Variants in SLC26A3 observed in about 807,000 individuals in gnomAD.
SLC26A3 encodes the protein chloride anion exchanger.
A neutral mutation model predicts 85.6 loss-of-function variants in SLC26A3; 64 were observed. The observed-to-expected ratio is 0.75, with a 90% CI of 0.61 to 0.92. The LOEUF (loss-of-function observed/expected upper bound fraction) is 0.92. Among genes scored for constraint, SLC26A3 ranks in the 40% least tolerant of loss-of-function variants. SLC26A3 has a pLI of 0.00. For synonymous variants in SLC26A3, 349 were observed against 336.0 expected, an observed-to-expected ratio of 1.04 and a Z score of -0.42; for missense variants, 922 against 927.3, an observed-to-expected ratio of 0.99 and a Z score of 0.07.
chr7:107,802,907 A>G (rs1460516238), intron 1 of SLC26A3, among the ~76,000 whole-genome samples: 1 of 152,180 alleles, frequency 6.6e-6, no homozygotes, highest in East Asian at 1.9e-4. Flanking sequence ...TTTACTTGTT[A>G]AAGTCTACTT....
intron 18 of SLC26A3, among the ~76,000 whole-genome samples, chr7:107,769,996 T>G (rs1793978015): frequency 7.4e-6 from 1 of 135,164 alleles, no homozygotes; most frequent in Non-Finnish European, 1.6e-5. Flanking sequence ...TTCCTTCCTT[T>G]TTTCTCTTTC....
chr7:107,793,922 A>C (rs374247167), intron 2 of SLC26A3, 41 bp from the exon 3 acceptor site: 1 of 1,613,796 alleles, frequency 6.2e-7, no homozygotes, highest in Non-Finnish European at 8.5e-7. Flanking sequence ...ATTAATATCA[A>C]ATTTTAAGTT....
At chr7:107,767,526 G>GT (rs558627605) in intron 20 of SLC26A3, 53 bp downstream of exon 20, 1,386 of 1,353,488 alleles carry the variant, frequency 1.0e-3, no homozygotes, top group Non-Finnish European at 1.3e-3. Flanking sequence ...TACTTTGAAG[G>GT]TTTTTTTTTG....
chr7:107,778,294 A>G lies in SLC26A3; in HGVS notation c.1408-13T>C. On this transcript the variant is annotated splice_polypyrimidine_tract_variant and intron_variant, in intron 12 of 20. Transcript: ENST00000340010. ...TGATCCAAATTAACTGTGAAAAGAA[A>G]GCAACACATACACTACAATTTACTT... is the stretch of plus-strand genomic sequence containing the variant. 6.6e-7 allele frequency: 1 copy of G among 1,508,598 alleles called. No homozygotes were observed. The highest frequency in any genetic ancestry group is 9.2e-7 in the Non-Finnish European group (1 of 1,084,812). The allele number at this position is 1,508,598 out of a possible 1,614,324, so 93.5% of individuals were successfully genotyped here.
chr7:107,780,383 A>G (rs113070386), intron 11 of SLC26A3, among the ~76,000 whole-genome samples: 1,699 of 152,326 alleles, frequency 0.011, 40 homozygotes, highest in African/African-American at 0.039. Context: ...CCTACAGCCA[A>G]GCTTCAGACT....
intron 18 of SLC26A3, among the ~76,000 whole-genome samples, chr7:107,771,109 A>C (rs574367131): frequency 1.8e-3 from 265 of 147,982 alleles, no homozygotes; most frequent in African/African-American, 6.8e-3. Flanking sequence ...CTGATTTAAG[A>C]GGAAATATTT....
At chr7:107,787,091 A>C (rs1478955501) in intron 7 of SLC26A3, among the ~76,000 whole-genome samples, 182 bp from the exon 8 acceptor site, 1 of 152,256 alleles carries the variant, frequency 6.6e-6, no homozygotes, top group Non-Finnish European at 1.5e-5. Flanking sequence ...TGAGAACCAC[A>C]GCTAAATTCA....
At chr7:107,787,795 CT>C in intron 6 of SLC26A3, among the ~76,000 whole-genome samples, 1 of 152,150 alleles carries the variant, frequency 6.6e-6, no homozygotes. Flanking sequence ...TTGTTGGATA[CT>C]TTTCACATTT....
intron 8 of SLC26A3, among the ~76,000 whole-genome samples, chr7:107,785,433 T>C (rs1794277645): frequency 6.6e-6 from 1 of 152,244 alleles, no homozygotes; most frequent in African/African-American, 2.4e-5. Flanking sequence ...TACACTGACA[T>C]TGAAAATACA....
At chr7:107,797,425 C>G (rs991883866) in intron 1 of SLC26A3, among the ~76,000 whole-genome samples, 5 of 152,088 alleles carry the variant, frequency 3.3e-5, no homozygotes, top group African/African-American at 1.2e-4. Context: ...ACCCGGGAGG[C>G]AGAGGTTGCA....
intron 1 of SLC26A3, among the ~76,000 whole-genome samples, chr7:107,799,874 A>G (rs534488507): frequency 6.6e-6 from 1 of 152,116 alleles, no homozygotes; most frequent in Non-Finnish European, 1.5e-5. Context: ...GTCAGCTGGA[A>G]CCTGTTGGAA....
At chr7:107,776,388 A>G in intron 15 of SLC26A3, 64 bp downstream of exon 15, 2 of 1,297,936 alleles carry the variant, frequency 1.5e-6, no homozygotes, top group Non-Finnish European at 2.2e-6. Context: ...ACCTTACAGA[A>G]CAATGACATT....
chr7:107,766,156 A>G (rs909278695), intron 20 of SLC26A3, among the ~76,000 whole-genome samples: 13 of 152,168 alleles, frequency 8.5e-5, no homozygotes, highest in African/African-American at 3.1e-4. Context: ...GGCCTGGTAT[A>G]TTCAGCTGTT....
intron 3 of SLC26A3, among the ~76,000 whole-genome samples, chr7:107,793,040 T>C (rs1005513513): frequency 3.3e-5 from 5 of 152,202 alleles, no homozygotes; most frequent in African/African-American, 1.2e-4. Context: ...CACAATGAGA[T>C]ACCACTTCAC....
chr7:107,766,903 TGAA>T (rs1793926622), intron 20 of SLC26A3, among the ~76,000 whole-genome samples: 2 of 151,366 alleles, frequency 1.3e-5, no homozygotes, highest in South Asian at 4.2e-4. Context: ...ATTTGGAAAA[TGAA>T]GATATCTTCT....
rs1032495905 is a variant in SLC26A3, at chr7:107,765,878, C to T, written c.2272G>A (p.Val758Met). 2 of 1,610,528 alleles carry T rather than the reference C, an allele frequency of 1.2e-6. No individual in the cohort carries two copies. Among genetic ancestry groups the T allele is most frequent in the South Asian group, 2.2e-5 (2 of 90,986 alleles). Residue 758 changes from valine to methionine, a missense_variant and splice_region_variant, in exon 21 of 21, where the codon GTG becomes ATG. By Grantham distance (21) the Val-to-Met change is conservative. Coordinates refer to ENST00000340010, the MANE Select transcript of SLC26A3 (RefSeq NM_000111.3). ...GATTAGAATTTTGTTTCAACTGGCA[C>T]CTGGAAGAAGACAGAAAGTTCTTGT... is the stretch of plus-strand genomic sequence containing the variant. The part of the protein sequence containing the change: ...NGGLRNRVYE[V>M]PVETKF
chr7:107,789,447 A>G, intron 6 of SLC26A3, 77 bp downstream of exon 6: 2 of 1,428,810 alleles, frequency 1.4e-6, no homozygotes, highest in Non-Finnish European at 2.0e-6. Flanking sequence ...TGGCAAAGGC[A>G]TTAAAGGAAA....
intron 8 of SLC26A3, among the ~76,000 whole-genome samples, chr7:107,784,025 T>C (rs899126420): frequency 6.6e-6 from 1 of 152,238 alleles, no homozygotes; most frequent in African/African-American, 2.4e-5. Flanking sequence ...AAGGTGCATG[T>C]ATCTTAAACT....
At position 107,793,757 on chromosome 7, in the gene SLC26A3, C is replaced by G. The variant is rs903653608; in HGVS notation, c.256G>C (p.Val86Leu). The part of the protein sequence containing the change: ...DIVSGISTGI[V>L]AVLQGLAFAL... The stretch of plus-strand genomic sequence containing the variant: ...AAAATTTTACCTTGTAGTACGGCCA[C>G]AATCCCTGTGCTGATACCAGAAACA... Residue 86 changes from valine to leucine, a missense_variant, in exon 3 of 21, where the codon GTG (valine) becomes CTG (leucine). By Grantham distance (32) the Val-to-Leu change is conservative. Transcript: ENST00000340010. The G allele has an allele frequency of 6.2e-7, 1 of 1,613,926 alleles. No individual in the cohort carries two copies. Among genetic ancestry groups the G allele is most frequent in the African/African-American group, 1.3e-5 (1 of 74,892 alleles).
Sources: gnomAD v4.1 joint callset for allele counts (sites outside exome capture counted in the v4.1 genomes callset) on GRCh38, gnomAD v4.1.1 for gene constraint, MANE v1.5 for transcripts, NCBI Gene and HGNC (gene_info 2026-07-23, HGNC 2026-07-21) for gene names.